Variants in SUMF1 observed in about 807,000 individuals in gnomAD.
The protein encoded by SUMF1 is formylglycine-generating enzyme.
Under a neutral mutation model 47.6 loss-of-function variants are expected in SUMF1, and 48 were observed. The observed-to-expected ratio is 1.01, with a 90% confidence interval of 0.80 to 1.28. The LOEUF is 1.28. SUMF1 is among the 50% of genes most tolerant of loss of function. SUMF1 has a pLI of 0.00. For missense variants in SUMF1, 571 were observed against 485.4 expected (o/e 1.18, Z -1.66); for synonymous variants, 230 against 192.1 (o/e 1.20, Z -1.63).
In SUMF1 at chr3:4,116,122, A is replaced by T. The variant is rs900277253; in HGVS notation, c.1015-47377T>A. 3.9e-5 allele frequency among the ~76,000 whole-genome samples: 6 copies of T among 152,142 alleles called. No individual in the cohort carries two copies. In the South Asian group the frequency reaches 6.2e-4, roughly 16 times the overall value. On this transcript the variant is annotated intron_variant and NMD_transcript_variant, in intron 8 of 12. Transcript: ENST00000448413. ...TTATGAGGTAGATCAGGCCACAGTTAACATCATCCCCAATGTATATGAGGA... is the reference window on the plus strand; with the variant it reads ...TTATGAGGTAGATCAGGCCACAGTTTACATCATCCCCAATGTATATGAGGA...
chr3:4,068,785 A>G (rs916461679), intron 8 of SUMF1: 1 of 304,220 alleles, frequency 3.3e-6, no homozygotes, highest in Admixed American at 4.2e-5. Context: ...AAATAATAAT[A>G]ACATGAATAG....
At chr3:4,417,301 C>A in intron 5 of SUMF1, 59 bp from the exon 6 acceptor site, 6 of 1,412,352 alleles carry the variant, frequency 4.2e-6, no homozygotes, top group Non-Finnish European at 6.0e-6. Context: ...GGATGAAAGT[C>A]AAGAGAAGGG....
intron 8 of SUMF1, among the ~76,000 whole-genome samples, chr3:4,167,004 A>C (rs772621531): frequency 7.2e-5 from 11 of 152,022 alleles, no homozygotes; most frequent in Non-Finnish European, 1.3e-4. Context: ...TCTAAGGAAA[A>C]ATAGGACAGA....
intron 8 of SUMF1, among the ~76,000 whole-genome samples, chr3:4,178,760 T>A (rs887948140): frequency 1.3e-5 from 2 of 152,188 alleles, no homozygotes; most frequent in African/African-American, 2.4e-5. Flanking sequence ...TGTCTCTGTT[T>A]GCAGATGACA....
chr3:4,326,121 T>A (rs1225553749), intron 8 of SUMF1, among the ~76,000 whole-genome samples: 2 of 152,198 alleles, frequency 1.3e-5, no homozygotes, highest in Non-Finnish European at 2.9e-5. Flanking sequence ...AGTGCCCAGC[T>A]ATCTTTTGAA....
chr3:4,365,617 C>A (rs1400425216), intron 8 of SUMF1, among the ~76,000 whole-genome samples: 1 of 145,512 alleles, frequency 6.9e-6, no homozygotes, highest in Non-Finnish European at 1.5e-5. Context: ...TGTCTCTGCA[C>A]GTGAGATGGG....
chr3:4,453,332 G>A (rs978060914), intron 1 of SUMF1, among the ~76,000 whole-genome samples: 1 of 152,084 alleles, frequency 6.6e-6, no homozygotes, highest in Non-Finnish European at 1.5e-5. Flanking sequence ...TCACCAAGCC[G>A]CTAACGGCTA....
At chr3:4,101,250 C>T (rs1419372376) in intron 8 of SUMF1, among the ~76,000 whole-genome samples, 1 of 152,040 alleles carries the variant, frequency 6.6e-6, no homozygotes, top group Non-Finnish European at 1.5e-5. Flanking sequence ...CTGTGTCCAT[C>T]AACGGATAAA....
At chr3:4,057,142 A>G (rs1292699942) in intron 9 of SUMF1, among the ~76,000 whole-genome samples, 5 of 152,180 alleles carry the variant, frequency 3.3e-5, no homozygotes, top group Non-Finnish European at 7.3e-5. Flanking sequence ...CCAATAAAAG[A>G]ATGTGCAGGA....
rs1224481887 is a variant in SUMF1, at chr3:4,254,989, C to A, written c.1014+121341G>T. On this transcript the variant is annotated intron_variant and NMD_transcript_variant, in intron 8 of 12. Coordinates refer to the SUMF1 transcript ENST00000448413. ...ATTCTTAAAGAAAACAATTTTCAAC[C>A]CAGAATTTCATATCCAGCCAAACTA... Among the ~76,000 whole-genome samples the A allele has an allele frequency of 2.6e-5, 4 of 151,850 alleles. No homozygotes were observed. The East Asian group carries it at 5.8e-4, about 22-fold the overall frequency.
intron 7 of SUMF1, among the ~76,000 whole-genome samples, chr3:4,403,804 G>A (rs1701289827): frequency 6.6e-6 from 1 of 152,150 alleles, no homozygotes; most frequent in Non-Finnish European, 1.5e-5. Flanking sequence ...GCTGTCAGGG[G>A]TATCAAAGAA....
chr3:4,364,095 G>A (rs1699865592), intron 8 of SUMF1, among the ~76,000 whole-genome samples: 1 of 134,940 alleles, frequency 7.4e-6, no homozygotes, highest in African/African-American at 2.7e-5. Flanking sequence ...TGGTGGATAA[G>A]CTTTTTGATG....
chr3:4,412,110 C>T (rs1701561939), intron 6 of SUMF1, among the ~76,000 whole-genome samples: 1 of 152,208 alleles, frequency 6.6e-6, no homozygotes, highest in Non-Finnish European at 1.5e-5. Flanking sequence ...CACCACACTG[C>T]TTCCAAAATC....
chr3:4,326,576 G>C (rs1483907503), intron 8 of SUMF1, among the ~76,000 whole-genome samples: 1 of 143,270 alleles, frequency 7.0e-6, no homozygotes, highest in Non-Finnish European at 1.5e-5. Flanking sequence ...GGAATGAAGT[G>C]ACATGATCTC....
intron 8 of SUMF1, among the ~76,000 whole-genome samples, chr3:4,285,125 C>T (rs1056905062): frequency 6.6e-6 from 1 of 152,178 alleles, no homozygotes; most frequent in Non-Finnish European, 1.5e-5. Context: ...TGCATTATCT[C>T]TTTCATAATT....
At chr3:4,253,913 T>A (rs1696875141) in intron 8 of SUMF1, among the ~76,000 whole-genome samples, 2 of 149,924 alleles carry the variant, frequency 1.3e-5, no homozygotes, top group Non-Finnish European at 3.0e-5. Context: ...CAGCTGGAGA[T>A]CTGAGAACTG....
At chr3:4,044,139 A>G (rs1694964132) in intron 9 of SUMF1, among the ~76,000 whole-genome samples, 1 of 152,178 alleles carries the variant, frequency 6.6e-6, no homozygotes, top group South Asian at 2.1e-4. Flanking sequence ...GTGATTGAAG[A>G]AAAGAAAATA....
intron 7 of SUMF1, among the ~76,000 whole-genome samples, chr3:4,394,001 G>A (rs1026694074): frequency 6.6e-6 from 1 of 152,068 alleles, no homozygotes; most frequent in Admixed American, 6.5e-5. Context: ...GCCAATTACA[G>A]AAAAATGTTC....
chr3:4,151,056 C>T (rs1241941496), intron 8 of SUMF1, among the ~76,000 whole-genome samples: 1 of 151,338 alleles, frequency 6.6e-6, no homozygotes, highest in Non-Finnish European at 1.5e-5. Flanking sequence ...AGAGGATTAA[C>T]GTCTGGTGGG....
Sources: allele counts gnomAD v4.1 joint callset (sites outside exome capture counted in the v4.1 genomes callset), GRCh38; gene constraint gnomAD v4.1.1; transcripts MANE v1.5; gene names NCBI Gene and HGNC (gene_info 2026-07-23, HGNC 2026-07-21).